Variants in NAT1 observed in about 807,000 individuals in gnomAD.
NAT1 encodes arylamine N-acetyltransferase 1.
For missense variants in NAT1, 400 were observed against 339.2 expected (o/e 1.18, Z -1.41); for synonymous variants, 144 against 122.6 (o/e 1.17, Z -1.16).
chr8:18,207,783 A>G (rs1018399793), upstream of NAT1, among the ~76,000 whole-genome samples: 1 of 152,224 alleles, frequency 6.6e-6, no homozygotes, highest in African/African-American at 2.4e-5. Context: ...CCAAAGGAAT[A>G]TAAATCATTC....
At chr8:18,172,469 G>T (rs576443055) in intron 2 of NAT1, among the ~76,000 whole-genome samples, 1 of 152,040 alleles carries the variant, frequency 6.6e-6, no homozygotes, top group South Asian at 2.1e-4. Context: ...TGTCCTTGCC[G>T]CCAGGCTTGT....
intron 2 of NAT1, among the ~76,000 whole-genome samples, chr8:18,199,003 A>T (rs958080091): frequency 6.6e-6 from 1 of 152,080 alleles, no homozygotes; most frequent in East Asian, 1.9e-4. Flanking sequence ...CTTTTAGTCA[A>T]CTGAAATCTC....
chr8:18,209,152 A>G (rs1226923503), upstream of NAT1, among the ~76,000 whole-genome samples: 1 of 152,202 alleles, frequency 6.6e-6, no homozygotes, highest in East Asian at 1.9e-4. Flanking sequence ...TCCAACTCCC[A>G]ACATCCTGGG....
chr8:18,201,978 A>G (rs1355427850), intron 2 of NAT1, among the ~76,000 whole-genome samples: 2 of 152,240 alleles, frequency 1.3e-5, no homozygotes, highest in Non-Finnish European at 2.9e-5. Flanking sequence ...CAGTTTCCAA[A>G]ATACAACTTT....
At chr8:18,200,289 C>T (rs1258279249) in intron 2 of NAT1, among the ~76,000 whole-genome samples, 1 of 150,050 alleles carries the variant, frequency 6.7e-6, no homozygotes, top group Non-Finnish European at 1.5e-5. Flanking sequence ...ATGGAATCAA[C>T]CTAGGTGCCC....
intron 2 of NAT1, among the ~76,000 whole-genome samples, chr8:18,186,723 G>A (rs369841147): frequency 6.6e-6 from 1 of 151,906 alleles, no homozygotes; most frequent in South Asian, 2.1e-4. Flanking sequence ...CATCCTTCCA[G>A]TGATTGCTTT....
intron 2 of NAT1, among the ~76,000 whole-genome samples, chr8:18,196,815 G>A (rs1803253346): frequency 6.6e-6 from 1 of 152,076 alleles, no homozygotes; most frequent in Non-Finnish European, 1.5e-5. Context: ...TAGAACTACA[G>A]AAAAATCAAT....
At chr8:18,218,803 T>A (rs1804967914) in intron 1 of NAT1, among the ~76,000 whole-genome samples, 1 of 152,050 alleles carries the variant, frequency 6.6e-6, no homozygotes, top group African/African-American at 2.4e-5. Flanking sequence ...GCTAAATGAG[T>A]TTCGGGGGTC....
intron 2 of NAT1, among the ~76,000 whole-genome samples, chr8:18,178,483 G>C (rs763175749): frequency 5.3e-5 from 8 of 152,084 alleles, no homozygotes; most frequent in Non-Finnish European, 7.4e-5. Flanking sequence ...CCTGGATTGA[G>C]GTTCTATTTT....
At chr8:18,182,673 G>T (rs757340244) in intron 2 of NAT1, among the ~76,000 whole-genome samples, 1 of 152,138 alleles carries the variant, frequency 6.6e-6, no homozygotes, top group Non-Finnish European at 1.5e-5. Context: ...TTTTCTAGCA[G>T]AGTAATTCTC....
chr8:18,219,027 C>T (rs1306234281), intron 1 of NAT1, among the ~76,000 whole-genome samples: 1 of 152,140 alleles, frequency 6.6e-6, no homozygotes, highest in Non-Finnish European at 1.5e-5. Context: ...GGTGCTAGCA[C>T]TACATCCTGG....
At chr8:18,207,646 A>C (rs2117314709), upstream of NAT1, among the ~76,000 whole-genome samples, 1 of 152,314 alleles carries the variant, frequency 6.6e-6, no homozygotes, top group African/African-American at 2.4e-5. Context: ...GAGAGATAGG[A>C]ATGCTTTTCC....
intron 1 of NAT1, among the ~76,000 whole-genome samples, chr8:18,215,200 C>T (rs959891618): frequency 2.0e-5 from 3 of 152,170 alleles, no homozygotes; most frequent in African/African-American, 7.2e-5. Context: ...TTTCTTTATC[C>T]AATCTGTCAT....
intron 1 of NAT1, chr8:18,212,151 T>C (rs949307999): frequency 6.6e-6 from 1 of 152,230 alleles, no homozygotes; most frequent in African/African-American, 2.4e-5. Flanking sequence ...AGACCTGGAA[T>C]TGAACAATGA....
intron 2 of NAT1, among the ~76,000 whole-genome samples, chr8:18,196,049 G>GA (rs1023860725): frequency 2.0e-5 from 3 of 151,780 alleles, no homozygotes; most frequent in Non-Finnish European, 2.9e-5. Flanking sequence ...TTAATTTACA[G>GA]AAAAAAAGCT....
chr8:18,200,966 G>A (rs1040780539), intron 2 of NAT1: 1 of 152,188 alleles, frequency 6.6e-6, no homozygotes, highest in African/African-American at 2.4e-5. Flanking sequence ...GGCCATAGGT[G>A]CTGGAGACCA....
At chr8:18,178,422 C>A (rs1352133776) in intron 2 of NAT1, among the ~76,000 whole-genome samples, 1 of 152,042 alleles carries the variant, frequency 6.6e-6, no homozygotes, top group African/African-American at 2.4e-5. Context: ...TATTTCTGGG[C>A]TGAGTTAGAA....
At chr8:18,196,742 A>C (rs1294327380) in intron 2 of NAT1, among the ~76,000 whole-genome samples, 1 of 152,236 alleles carries the variant, frequency 6.6e-6, no homozygotes, top group Non-Finnish European at 1.5e-5. Context: ...TTACATTTAG[A>C]AACACCTGAC....
intron 2 of NAT1, among the ~76,000 whole-genome samples, chr8:18,182,453 T>C (rs1035019092): frequency 3.3e-5 from 5 of 152,240 alleles, no homozygotes; most frequent in Non-Finnish European, 4.4e-5. Flanking sequence ...TTTTACCTTT[T>C]ACTTTTAGGT....
Sources: allele counts gnomAD v4.1 joint callset (sites outside exome capture counted in the v4.1 genomes callset), GRCh38; gene constraint gnomAD v4.1.1; transcripts MANE v1.5; gene names NCBI Gene and HGNC (gene_info 2026-07-23, HGNC 2026-07-21).